The following GALNT14 variants were observed in gnomAD, a reference collection of about 807,000 sequenced individuals.
GALNT14 encodes the protein UDP-GalNAc:polypeptide N-acetylgalactosaminyltransferase 14.
GALNT14 carries 60 observed loss-of-function variants against 77.5 expected under a neutral mutation model. The ratio of observed to expected loss-of-function variants is 0.77; its 90% CI spans 0.63 to 0.96. GALNT14 has a LOEUF of 0.96. GALNT14 is among the 40% of genes least tolerant of loss of function. The pLI is 0.00. For missense variants in GALNT14, 710 were observed against 731.0 expected (o/e 0.97, Z 0.33); for synonymous variants, 280 against 281.7 (o/e 0.99, Z 0.06).
intron 1 of GALNT14, among the ~76,000 whole-genome samples, chr2:31,055,760 A>G (rs983727182): frequency 6.6e-6 from 1 of 152,192 alleles, no homozygotes; most frequent in African/African-American, 2.4e-5. Flanking sequence ...GGGCAGTGGG[A>G]GAAAGACCCT....
chr2:30,917,089 A>AAAAAAAAAAAAAAAAC, intron 13 of GALNT14, among the ~76,000 whole-genome samples: 1 of 148,792 alleles, frequency 6.7e-6, no homozygotes, highest in South Asian at 2.2e-4. Flanking sequence ...AAAAAAAAAA[A>AAAAAAAAAAAAAAAAC]AAAAAAAAAA....
At chr2:31,061,161 T>C (rs1208658330) in intron 1 of GALNT14, among the ~76,000 whole-genome samples, 3 of 152,236 alleles carry the variant, frequency 2.0e-5, no homozygotes, top group East Asian at 1.9e-4. Context: ...GGATGACCTA[T>C]AGATGCCTCA....
chr2:30,980,562 T>C (rs1668924110), intron 2 of GALNT14, among the ~76,000 whole-genome samples: 1 of 152,154 alleles, frequency 6.6e-6, no homozygotes, highest in African/African-American at 2.4e-5. Context: ...AGAAATGGGG[T>C]CTCTGGGAGT....
intron 1 of GALNT14, among the ~76,000 whole-genome samples, chr2:31,075,634 A>G (rs1675728069): frequency 6.6e-6 from 1 of 152,246 alleles, no homozygotes; most frequent in Admixed American, 6.5e-5. Context: ...TACAAGAGCT[A>G]TTAGGGACCA....
intron 1 of GALNT14, among the ~76,000 whole-genome samples, chr2:31,064,680 G>A (rs534264583): frequency 1.3e-5 from 2 of 152,068 alleles, no homozygotes; most frequent in Non-Finnish European, 2.9e-5. Flanking sequence ...ATTGGATCTC[G>A]CCAGACACAA....
chr2:30,887,168 T>C, the GALNT14 span, among the ~76,000 whole-genome samples: 1 of 152,246 alleles, frequency 6.6e-6, no homozygotes, highest in African/African-American at 2.4e-5. Flanking sequence ...CTACTGTGAA[T>C]AGTGAGTCTA....
chr2:30,961,274 A>G (rs958087764), intron 3 of GALNT14, among the ~76,000 whole-genome samples: 1 of 152,232 alleles, frequency 6.6e-6, no homozygotes, highest in Non-Finnish European at 1.5e-5. Context: ...TTGCTTTGTG[A>G]ACTCCACGGT....
intron 1 of GALNT14, among the ~76,000 whole-genome samples, chr2:31,078,379 C>A (rs1291552521): frequency 6.6e-6 from 1 of 152,154 alleles, no homozygotes; most frequent in Non-Finnish European, 1.5e-5. Flanking sequence ...GGCCCCCGAC[C>A]CCCTCTTAAT....
At chr2:31,104,853 G>A (rs2148618003) in intron 1 of GALNT14, among the ~76,000 whole-genome samples, 1 of 152,268 alleles carries the variant, frequency 6.6e-6, no homozygotes, top group Middle Eastern at 3.4e-3. Flanking sequence ...TTCATCATCT[G>A]GTCAAGTTGG....
chr2:31,023,568 C>T (rs1198741624), intron 1 of GALNT14, among the ~76,000 whole-genome samples: 1 of 152,118 alleles, frequency 6.6e-6, no homozygotes, highest in African/African-American at 2.4e-5. Context: ...CCCTTCCTTT[C>T]TTGAGCCCCA....
intron 2 of GALNT14, among the ~76,000 whole-genome samples, chr2:30,972,010 G>A (rs1463286207): frequency 2.0e-5 from 3 of 152,166 alleles, no homozygotes; most frequent in African/African-American, 7.2e-5. Context: ...CCAGGCCCTC[G>A]GACACCCAGA....
At chr2:31,000,412 G>T (rs1440034820) in intron 1 of GALNT14, among the ~76,000 whole-genome samples, 1 of 150,502 alleles carries the variant, frequency 6.6e-6, no homozygotes, top group Non-Finnish European at 1.5e-5. Context: ...ATTGGTCAGG[G>T]TTCTACAGAA....
chr2:31,052,100 A>T (rs1422964583), intron 1 of GALNT14, among the ~76,000 whole-genome samples: 1 of 152,124 alleles, frequency 6.6e-6, no homozygotes, highest in African/African-American at 2.4e-5. Flanking sequence ...CTGCTGGAAG[A>T]GGCTGATAAT....
intron 10 of GALNT14, among the ~76,000 whole-genome samples, chr2:30,930,351 G>A (rs1185307438): frequency 6.6e-6 from 1 of 152,206 alleles, no homozygotes; most frequent in East Asian, 1.9e-4. Flanking sequence ...CTTCCCATAG[G>A]CCATGCAGTT....
At chr2:31,117,746 A>G (rs947825598) in intron 1 of GALNT14, among the ~76,000 whole-genome samples, 2 of 152,196 alleles carry the variant, frequency 1.3e-5, no homozygotes, top group Non-Finnish European at 2.9e-5. Flanking sequence ...ACCTGTTACC[A>G]TATGCAATAG....
At chr2:30,929,843 A>T (rs1665620353) in intron 10 of GALNT14, among the ~76,000 whole-genome samples, 1 of 152,206 alleles carries the variant, frequency 6.6e-6, no homozygotes, top group Non-Finnish European at 1.5e-5. Context: ...TAAACATGAA[A>T]TTCATTCATG....
At chr2:31,053,965 T>C (rs1674056962) in intron 1 of GALNT14, among the ~76,000 whole-genome samples, 1 of 152,186 alleles carries the variant, frequency 6.6e-6, no homozygotes, top group Non-Finnish European at 1.5e-5. Context: ...CACAATAGTG[T>C]AGTTAGGCAA....
chr2:31,123,493 T>C (rs1267483041), intron 1 of GALNT14, among the ~76,000 whole-genome samples: 1 of 152,204 alleles, frequency 6.6e-6, no homozygotes, highest in Admixed American at 6.5e-5. Flanking sequence ...CCCTTCCTGT[T>C]ATGCTTCCAC....
chr2:30,979,241 A>G (rs2148372728), intron 2 of GALNT14, among the ~76,000 whole-genome samples: 1 of 152,340 alleles, frequency 6.6e-6, no homozygotes, highest in Admixed American at 6.5e-5. Flanking sequence ...TTTGGCAGCA[A>G]GATATCTCAG....
Sources: gnomAD v4.1 joint callset for allele counts (sites outside exome capture counted in the v4.1 genomes callset) on GRCh38, gnomAD v4.1.1 for gene constraint, MANE v1.5 for transcripts, NCBI Gene and HGNC (gene_info 2026-07-23, HGNC 2026-07-21) for gene names.